Variants in ATP6V1B1 observed in about 807,000 individuals in gnomAD.
ATP6V1B1 encodes the protein V-type proton ATPase subunit B, kidney isoform.
ATP6V1B1 carries 41 observed loss-of-function variants against 62.1 expected under a neutral mutation model. The observed-to-expected ratio is 0.66, with a 90% CI of 0.51 to 0.86. The LOEUF (loss-of-function observed/expected upper bound fraction) is 0.86. Among genes scored for constraint, ATP6V1B1 ranks in the 40% least tolerant of loss-of-function variants. The pLI, the probability that ATP6V1B1 is intolerant of heterozygous loss-of-function variation, is 0.00. For synonymous variants in ATP6V1B1, 253 were observed against 273.4 expected (o/e 0.93, Z 0.74); for missense variants, 651 against 697.5 (o/e 0.93, Z 0.75).
chr2:70,944,021 C>T (rs116357822), intron 2 of ATP6V1B1: 19,791 of 985,322 alleles, frequency 0.02, 261 homozygotes, highest in South Asian at 0.08. Context: ...GTGGCATGGA[C>T]GTACCTAACC....
At chr2:70,952,505 T>A (rs1188683637) in intron 2 of ATP6V1B1, among the ~76,000 whole-genome samples, 2 of 151,980 alleles carry the variant, frequency 1.3e-5, no homozygotes, top group Non-Finnish European at 2.9e-5. Flanking sequence ...CTGAATTTTA[T>A]CAGAAGCCTT....
At chr2:70,941,175 C>G (rs1216348781) in intron 1 of ATP6V1B1, 1 of 803,144 alleles carries the variant, frequency 1.2e-6, no homozygotes, top group Non-Finnish European at 1.5e-6. Context: ...ACCTCAGCCT[C>G]CCAGAGTGCT....
intron 2 of ATP6V1B1, chr2:70,944,273 A>C: frequency 8.0e-7 from 1 of 1,255,336 alleles, no homozygotes; most frequent in Non-Finnish European, 1.0e-6. Flanking sequence ...GCTGTGGGCT[A>C]TTTTGTAGCC....
chr2:70,962,815 C>T lies in ATP6V1B1; in HGVS notation c.824C>T (p.Thr275Ile). The change falls in exon 9 of 14, where the codon ACT becomes ATT. Residue 275 changes from threonine to isoleucine, a missense_variant. Coordinates refer to ENST00000234396, the MANE Select transcript of ATP6V1B1 (RefSeq NM_001692.4). ...ATCACCCCGCGCCTGGCGCTGACCA[C>T]TGCTGAATTCCTTGCCTACCAGTGT... ...RIITPRLALT[T>I]AEFLAYQCEK... The T allele has an allele frequency of 6.2e-7, 1 of 1,614,196 alleles. No homozygotes were observed. The highest frequency in any genetic ancestry group is 8.5e-7 in the Non-Finnish European group (1 of 1,180,032).
chr2:70,955,026 G>A (rs946828558), intron 2 of ATP6V1B1, among the ~76,000 whole-genome samples: 7 of 152,202 alleles, frequency 4.6e-5, no homozygotes, highest in East Asian at 1.9e-4. Flanking sequence ...CTAGCTGTGG[G>A]TAAAGACTGG....
chr2:70,941,662 A>G lies in ATP6V1B1; in HGVS notation c.119-1996A>G, dbSNP rs948199114. ...TTTCATTTGTCACTTTCATTTGCCT[A>G]GCTTAGTACATAGAAGGCATCCATG... On this transcript the variant is annotated intron_variant, in intron 1 of 13. Transcript: ENST00000234396. The G allele has an allele frequency of 9.7e-6, 9 of 927,782 alleles. No homozygotes were observed. The Admixed American group carries it at 4.9e-4, about 51-fold the overall frequency. The allele number at this position is 927,782 out of a possible 1,614,324, so 57.5% of individuals were successfully genotyped here. A position where few individuals can be genotyped will look rare whatever the true frequency, so the allele number is the denominator to read the frequency against.
In ATP6V1B1 at chr2:70,959,316, C is replaced by T. The variant is rs950943729; in HGVS notation, c.445+221C>T. Among the ~76,000 whole-genome samples, 4 of 152,222 alleles carry T rather than the reference C, an allele frequency of 2.6e-5. No individual in the cohort carries two copies. The highest frequency in any genetic ancestry group is 2.0e-4 in the Admixed American group (3 of 15,288). ...CATTGGGCAGTGTTCCACGCCTGCC[C>T]GAAGGCCATCATGCCCCTGCCTTTG... On this transcript the variant is annotated intron_variant, in intron 5 of 13. Coordinates refer to ENST00000234396, the MANE Select transcript of ATP6V1B1 (RefSeq NM_001692.4). This position sits in a 1 kb window ranked among gnomAD's most constrained non-coding sequence, Gnocchi z 4.2.
chr2:70,943,866 TC>T, intron 2 of ATP6V1B1, 153 bp downstream of exon 2: 1 of 758,468 alleles, frequency 1.3e-6, no homozygotes, highest in Non-Finnish European at 1.6e-6. Context: ...CCACTCTCCT[TC>T]CCTAGCTGTA....
chr2:70,958,914 C>A, intron 4 of ATP6V1B1, 104 bp from the exon 5 acceptor site: 1 of 1,147,752 alleles, frequency 8.7e-7, no homozygotes, highest in Non-Finnish European at 1.3e-6. Flanking sequence ...ACAGGGCACT[C>A]CTGTGGGGAG....
At chr2:70,947,231 G>A (rs782137750) in intron 2 of ATP6V1B1, among the ~76,000 whole-genome samples, 1 of 152,060 alleles carries the variant, frequency 6.6e-6, no homozygotes, top group Admixed American at 6.6e-5. Flanking sequence ...CTACAGTTTC[G>A]TCTGATTTTT....
intron 1 of ATP6V1B1, among the ~76,000 whole-genome samples, chr2:70,937,869 T>C (rs1662562861): frequency 1.3e-5 from 2 of 152,072 alleles, no homozygotes; most frequent in Admixed American, 1.3e-4. Context: ...GCCCCTTATG[T>C]ATAGTCAACA....
rs1572920538 is a variant in ATP6V1B1 at position 70,959,850 on chromosome 2, A to C, written c.446-89A>C. 2 of 1,604,344 alleles carry C rather than the reference A, an allele frequency of 1.2e-6. No individual in the cohort carries two copies. The highest frequency in any genetic ancestry group is 4.5e-5 in the East Asian group (2 of 44,718). On this transcript the variant is annotated intron_variant, in intron 5 of 13. Transcript: ENST00000234396. This position sits in a 1 kb window ranked among gnomAD's most constrained non-coding sequence, Gnocchi z 4.2. ...ATCATCACAGAAAGTTCCGTCAAAC[A>C]GGGCGGCTCTGGAGTCTGGGGTCAG...
chr2:70,943,551 G>A (rs1680063464), intron 1 of ATP6V1B1, 107 bp from the exon 2 acceptor site: 4 of 1,195,882 alleles, frequency 3.3e-6, no homozygotes, highest in Admixed American at 3.8e-5. Flanking sequence ...GCCCAGGCTG[G>A]GAAGGAGGTG....
At position 70,965,312 on chromosome 2, in the gene ATP6V1B1, C is replaced by T. The variant is rs536985004; in HGVS notation, c.*191C>T. 13 of 758,462 alleles carry T rather than the reference C, an allele frequency of 1.7e-5. No individual in the cohort carries two copies. The African/African-American group carries it at 2.3e-4, about 13-fold the overall frequency. 47.0% of individuals were successfully genotyped at this position (758,462 alleles called of 1,614,324 possible). ...CCTTTTCCCGCGCTCCATGCCTCCCCCTCGACTCCCGGTGCTGCGGAAGAA... is the reference window on the plus strand; with the variant it reads ...CCTTTTCCCGCGCTCCATGCCTCCCTCTCGACTCCCGGTGCTGCGGAAGAA... On this transcript the variant is annotated 3_prime_UTR_variant, in exon 14 of 14. Coordinates refer to ENST00000234396, the MANE Select transcript of ATP6V1B1 (RefSeq NM_001692.4).
chr2:70,962,035 G>T (rs919018786), intron 8 of ATP6V1B1, among the ~76,000 whole-genome samples: 4 of 91,142 alleles, frequency 4.4e-5, no homozygotes, highest in Non-Finnish European at 9.9e-5. Context: ...TGTAGAAAAT[G>T]GGAGTTTAAA....
intron 2 of ATP6V1B1, among the ~76,000 whole-genome samples, chr2:70,945,635 C>T (rs1054414617): frequency 2.1e-5 from 3 of 145,636 alleles, no homozygotes; most frequent in African/African-American, 7.6e-5. Context: ...ATTAGCATAT[C>T]CATCATCTCC....
rs1680589714 is a variant in ATP6V1B1, at chr2:70,961,631, C to A, written c.723C>A (p.Asp241Glu). 1 of 1,614,134 alleles carries A rather than the reference C, an allele frequency of 6.2e-7. No individual in the cohort carries two copies. The highest frequency in any genetic ancestry group is 1.7e-5 in the Admixed American group (1 of 60,016). ...AGACAGCCAGATTCTTCAAGTCTGACTTTGAGCAGAATGGAACCATGGGGA... is the reference window on the plus strand; with the variant it reads ...AGACAGCCAGATTCTTCAAGTCTGAATTTGAGCAGAATGGAACCATGGGGA... ...NMETARFFKS[D>E]FEQNGTMGNV... The change falls in exon 8 of 14, where the codon GAC (aspartate) becomes GAA (glutamate). Residue 241 changes from aspartate to glutamate, a missense_variant. Physicochemically the swap from Asp to Glu is conservative, Grantham distance 45. Coordinates refer to ENST00000234396, the MANE Select transcript of ATP6V1B1 (RefSeq NM_001692.4).
intron 1 of ATP6V1B1, among the ~76,000 whole-genome samples, chr2:70,943,175 C>T (rs114407619): frequency 0.037 from 4,882 of 130,946 alleles, 94 homozygotes; most frequent in Non-Finnish European, 0.055. Context: ...TCTGCACCCC[C>T]TACACACCAC....
rs35710919 is a variant in ATP6V1B1, at chr2:70,945,701, GATATATATATATATATATATAT to G, written c.174+2008_174+2029del. Among the ~76,000 whole-genome samples, 7 of 83,022 alleles carry G rather than the reference GATATATATATATATATATATAT, an allele frequency of 8.4e-5. No homozygotes were observed. In the South Asian group the frequency reaches 1.2e-3, roughly 14 times the overall value. The allele number at this position is 83,022 out of a possible 152,430, so 54.5% of individuals were successfully genotyped here. ...TATCCTCTTTCTGGCTATTTGAAGA[GATATATATATATATATATATAT>G]ATATATATATATATATATAGTTGTT... is the stretch of plus-strand genomic sequence containing the variant. On this transcript the variant is annotated intron_variant, in intron 2 of 13. Coordinates refer to ENST00000234396, the MANE Select transcript of ATP6V1B1 (RefSeq NM_001692.4).
Sources: gnomAD v4.1 joint callset for allele counts (sites outside exome capture counted in the v4.1 genomes callset) on GRCh38, gnomAD v4.1.1 for gene constraint, Gnocchi (gnomAD v3.1) non-coding constraint, MANE v1.5 for transcripts, NCBI Gene and HGNC (gene_info 2026-07-23, HGNC 2026-07-21) for gene names.